FAAP20: variants seen among roughly 807,000 people sequenced by gnomAD.
FAAP20 encodes Fanconi anemia core complex-associated protein 20.
In FAAP20, 12 loss-of-function variants were observed where a neutral mutation model predicts 16.2. That is an observed-to-expected ratio of 0.74 (90% CI 0.48 to 1.20). The LOEUF is 1.20. Among genes scored for constraint, FAAP20 ranks in the 50% most tolerant of loss-of-function variants. The pLI is 0.00. For synonymous variants in FAAP20, 141 were observed against 110.7 expected (o/e 1.27, Z -1.72); for missense variants, 288 against 245.8 (o/e 1.17, Z -1.15).
chr1:2,198,101 C>A, upstream of FAAP20: 1 of 1,291,268 alleles, frequency 7.7e-7, no homozygotes, highest in Non-Finnish European at 1.0e-6. Flanking sequence ...GAAAACGCTC[C>A]ACTTCTTCGG....
chr1:2,203,674 T>C, upstream of FAAP20: 1 of 982,670 alleles, frequency 1.0e-6, no homozygotes, highest in Non-Finnish European at 1.2e-6. Context: ...CTGCTGGGCC[T>C]GTCCTCTCTG....
downstream of FAAP20, among the ~76,000 whole-genome samples, chr1:2,186,499 C>A (rs1189976537): frequency 6.7e-6 from 1 of 148,310 alleles, no homozygotes; most frequent in Non-Finnish European, 1.5e-5. Flanking sequence ...GACACCCGCC[C>A]CCCCCCGGCC....
At chr1:2,189,340 A>C (rs554599926), downstream of FAAP20, among the ~76,000 whole-genome samples, 300 of 151,148 alleles carry the variant, frequency 2.0e-3, no homozygotes, top group South Asian at 6.7e-3. Flanking sequence ...TCAAAAAAAA[A>C]AAAACAAAAA....
chr1:2,207,111 G>C (rs12041259), intron 1 of FAAP20, among the ~76,000 whole-genome samples: 10,101 of 152,254 alleles, frequency 0.066, 454 homozygotes, highest in Non-Finnish European at 0.1. Context: ...GGTGAGTGGG[G>C]GGCCAGTGAG....
chr1:2,208,292 A>G (rs1251600876), downstream of FAAP20, among the ~76,000 whole-genome samples: 4 of 152,038 alleles, frequency 2.6e-5, no homozygotes, highest in Non-Finnish European at 4.4e-5. Context: ...GCCTCCCTGC[A>G]GTGCACGTCC....
chr1:2,193,441 C>T (rs1047950398), intron 3 of FAAP20, 198 bp downstream of exon 3: 7 of 815,834 alleles, frequency 8.6e-6, no homozygotes, highest in Non-Finnish European at 1.3e-5. Flanking sequence ...GCCCACAGAG[C>T]ACGGCAAGCA....
upstream of FAAP20, chr1:2,200,587 T>C (rs1189935589): frequency 4.1e-6 from 4 of 974,032 alleles, no homozygotes; most frequent in Admixed American, 6.1e-5. Context: ...ACCAGCTGCC[T>C]GAACTGTGAG....
downstream of FAAP20, among the ~76,000 whole-genome samples, chr1:2,189,027 A>C (rs1687863942): frequency 6.9e-6 from 1 of 144,864 alleles, no homozygotes; most frequent in Non-Finnish European, 1.5e-5. Flanking sequence ...AAAAAAAAAA[A>C]ACAAAAAGAA....
downstream of FAAP20, among the ~76,000 whole-genome samples, chr1:2,188,360 C>T (rs1261666018): frequency 6.6e-6 from 1 of 152,228 alleles, no homozygotes; most frequent in African/African-American, 2.4e-5. Context: ...TGCCTCAAAA[C>T]CCCTGGCGAA....
At chr1:2,196,627 G>T (rs1688837512), upstream of FAAP20, among the ~76,000 whole-genome samples, 1 of 150,610 alleles carries the variant, frequency 6.6e-6, no homozygotes, top group African/African-American at 2.4e-5. The surrounding 1 kb of genome is among the most constrained non-coding windows in gnomAD (Gnocchi z 4.5). Flanking sequence ...ATCACTTGAG[G>T]CCAGGAGTTT....
downstream of FAAP20, among the ~76,000 whole-genome samples, chr1:2,209,774 T>C (rs1472995336): frequency 1.3e-5 from 2 of 152,192 alleles, no homozygotes; most frequent in Admixed American, 1.3e-4. Context: ...ACCCTCCACG[T>C]GAAGCCTCCC....
At chr1:2,195,209 C>G (rs1688760143), upstream of FAAP20, among the ~76,000 whole-genome samples, 1 of 152,258 alleles carries the variant, frequency 6.6e-6, no homozygotes, top group East Asian at 1.9e-4. Context: ...AGGCGGGGAA[C>G]TCAAGCTCCT....
chr1:2,199,645 T>C (rs1317445780), upstream of FAAP20: 2 of 985,286 alleles, frequency 2.0e-6, no homozygotes, highest in African/African-American at 3.5e-5. The surrounding 1 kb of genome is among the most constrained non-coding windows in gnomAD (Gnocchi z 4.5). Context: ...GAGCAGCGTC[T>C]CCGAAGACTC....
intron 3 of FAAP20, chr1:2,193,299 T>G (rs1448047759): frequency 4.1e-6 from 2 of 487,908 alleles, no homozygotes; most frequent in Non-Finnish European, 7.3e-6. Flanking sequence ...CATGACGCAC[T>G]CTCGGGAAGG....
At chr1:2,201,426 A>G (rs1572132698), upstream of FAAP20, among the ~76,000 whole-genome samples, 1 of 152,154 alleles carries the variant, frequency 6.6e-6, no homozygotes, top group East Asian at 1.9e-4. Flanking sequence ...ACTTTTAGAG[A>G]AAGGGACCTG....
chr1:2,211,900 C>CTTTT (rs60874812), downstream of FAAP20, among the ~76,000 whole-genome samples: 23,188 of 96,734 alleles, frequency 0.24, 322 homozygotes, highest in Non-Finnish European at 0.28. Flanking sequence ...CAAGCTGCTG[C>CTTTT]TTTTTTTTTT....
upstream of FAAP20, chr1:2,203,413 C>CT (rs1227408342): frequency 4.1e-6 from 4 of 985,666 alleles, no homozygotes; most frequent in Admixed American, 6.1e-5. Flanking sequence ...CACAGCTGCA[C>CT]TGACTGTTCC....
At chr1:2,185,408 CCTT>C (rs1281418158), downstream of FAAP20, 1 of 718,720 alleles carries the variant, frequency 1.4e-6, no homozygotes, top group Non-Finnish European at 2.6e-6. Context: ...TCCTCTGATG[CCTT>C]TTTTCCGTGA....
At chr1:2,207,465 C>G (rs917193417), downstream of FAAP20, 1 of 152,264 alleles carries the variant, frequency 6.6e-6, no homozygotes, top group Non-Finnish European at 1.5e-5. Context: ...GGAGAGGAGC[C>G]GTGTGCTCCT....
Sources: gnomAD v4.1 joint callset for allele counts (sites outside exome capture counted in the v4.1 genomes callset) on GRCh38, gnomAD v4.1.1 for gene constraint, Gnocchi (gnomAD v3.1) non-coding constraint, MANE v1.5 for transcripts, NCBI Gene and HGNC (gene_info 2026-07-23, HGNC 2026-07-21) for gene names.